The following PLCXD2 variants were observed in gnomAD, a reference collection of about 807,000 sequenced individuals.
PLCXD2 encodes the protein phosphatidylinositol specific phospholipase C X domain containing 2.
A neutral mutation model predicts 28.6 loss-of-function variants in PLCXD2; 21 were observed. That is an observed-to-expected ratio of 0.73 (90% confidence interval 0.52 to 1.06). The LOEUF is 1.06. PLCXD2 is among the 50% of genes least tolerant of loss of function. The probability of loss-of-function intolerance (pLI) is 0.00; values close to 1 mark genes in which losing one functional copy is unlikely to be tolerated. For missense variants in PLCXD2, 369 were observed against 376.7 expected (o/e 0.98, Z 0.17); for synonymous variants, 140 against 150.1 (o/e 0.93, Z 0.49).
intron 1 of PLCXD2, among the ~76,000 whole-genome samples, chr3:111,690,346 C>A (rs542786110): frequency 1.3e-4 from 20 of 152,280 alleles, no homozygotes; most frequent in Admixed American, 1.2e-3. Context: ...GGACTACATG[C>A]TGACCTGTTC....
intron 1 of PLCXD2, among the ~76,000 whole-genome samples, chr3:111,683,053 C>T (rs533665871): frequency 4.6e-5 from 7 of 152,290 alleles, no homozygotes; most frequent in African/African-American, 1.7e-4. Context: ...CCCTGCTCTT[C>T]CTGAAAATAT....
intron 2 of PLCXD2, among the ~76,000 whole-genome samples, chr3:111,710,571 G>T (rs141436997): frequency 6.6e-6 from 1 of 152,164 alleles, no homozygotes; most frequent in African/African-American, 2.4e-5. Context: ...GGATTCAGTC[G>T]CAGGCTTTCT....
intron 1 of PLCXD2, among the ~76,000 whole-genome samples, chr3:111,703,002 A>G (rs78207476): frequency 6.6e-5 from 10 of 152,348 alleles, no homozygotes; most frequent in South Asian, 6.2e-4. Flanking sequence ...AAATAATTTA[A>G]TGCACTTAGG....
Position 111,692,104 on chromosome 3 carries a change from C to T in PLCXD2, c.164-15822C>T, listed in dbSNP as rs113326093. On this transcript the variant is annotated intron_variant, in intron 1 of 4. Coordinates refer to ENST00000477665, the MANE Select transcript of PLCXD2 (RefSeq NM_001185106.1). ...TCGCCCATGCTGGAGTGCAGTGGCG[C>T]GATCTCGGCTCACTGCAAGCTCCGC... Among the ~76,000 whole-genome samples the T allele has an allele frequency of 5.6e-3, 853 of 152,276 alleles. 16 individuals carry two copies. Among genetic ancestry groups the T allele is most frequent in the African/African-American group, 0.019 (804 of 41,544 alleles).
intron 2 of PLCXD2, among the ~76,000 whole-genome samples, chr3:111,710,831 C>T (rs1941190375): frequency 1.3e-5 from 2 of 152,176 alleles, no homozygotes; most frequent in Non-Finnish European, 2.9e-5. Flanking sequence ...GATGGGTTGA[C>T]ATATTGCATA....
chr3:111,704,520 T>A (rs990857814), intron 1 of PLCXD2, among the ~76,000 whole-genome samples: 1 of 152,210 alleles, frequency 6.6e-6, no homozygotes, highest in African/African-American at 2.4e-5. Context: ...ATAATCTCTG[T>A]CTAGGGGGAT....
chr3:111,676,316 CA>C (rs539817001), intron 1 of PLCXD2, among the ~76,000 whole-genome samples: 2 of 152,312 alleles, frequency 1.3e-5, no homozygotes, highest in South Asian at 4.1e-4. Context: ...AATTGAAGTT[CA>C]CCCACAGACT....
At chr3:111,699,930 C>G (rs552892848) in intron 1 of PLCXD2, among the ~76,000 whole-genome samples, 10 of 152,150 alleles carry the variant, frequency 6.6e-5, no homozygotes, top group Non-Finnish European at 1.5e-4. Flanking sequence ...AGGCACTTCA[C>G]CAGATTATTA....
intron 3 of PLCXD2, among the ~76,000 whole-genome samples, chr3:111,718,651 A>G (rs541789898): frequency 6.6e-6 from 1 of 152,282 alleles, no homozygotes; most frequent in East Asian, 1.9e-4. Flanking sequence ...GGAGAAGGAC[A>G]AAATGCTACC....
intron 1 of PLCXD2, among the ~76,000 whole-genome samples, chr3:111,684,979 T>C (rs1195283080): frequency 6.6e-6 from 1 of 152,076 alleles, no homozygotes. Context: ...GTTAGTGGCA[T>C]TCTCAGGAAT....
intron 3 of PLCXD2, 118 bp from the exon 4 acceptor site, chr3:111,720,605 G>T: frequency 2.4e-6 from 1 of 408,980 alleles, no homozygotes. Flanking sequence ...CTGAAAGCTT[G>T]TGCTCTTATT....
At chr3:111,683,753 A>G (rs568943489) in intron 1 of PLCXD2, among the ~76,000 whole-genome samples, 350 of 152,292 alleles carry the variant, frequency 2.3e-3, no homozygotes, top group African/African-American at 8.3e-3. Context: ...GGAGAGGTAT[A>G]CATTACTGCT....
At chr3:111,700,634 A>G (rs888709330) in intron 1 of PLCXD2, among the ~76,000 whole-genome samples, 4 of 152,208 alleles carry the variant, frequency 2.6e-5, no homozygotes, top group African/African-American at 9.6e-5. Context: ...GTTGTTAGTA[A>G]AAAGGTGTGT....
intron 1 of PLCXD2, among the ~76,000 whole-genome samples, chr3:111,706,228 T>C (rs1308930294): frequency 6.6e-6 from 1 of 152,228 alleles, no homozygotes; most frequent in African/African-American, 2.4e-5. Flanking sequence ...ATTTAGTTTT[T>C]TTGCTATTGA....
At chr3:111,684,881 C>A (rs1351214208) in intron 1 of PLCXD2, among the ~76,000 whole-genome samples, 1 of 151,832 alleles carries the variant, frequency 6.6e-6, no homozygotes, top group Non-Finnish European at 1.5e-5. Flanking sequence ...ACAGCATGGA[C>A]AAAGAAAAAG....
At chr3:111,696,721 A>G (rs1345493519) in intron 1 of PLCXD2, among the ~76,000 whole-genome samples, 2 of 152,322 alleles carry the variant, frequency 1.3e-5, no homozygotes, top group South Asian at 2.1e-4. Context: ...TATCCAATAT[A>G]TGTTTTTAGC....
intron 1 of PLCXD2, among the ~76,000 whole-genome samples, chr3:111,701,534 C>T (rs780572770): frequency 6.6e-6 from 1 of 152,106 alleles, no homozygotes; most frequent in Non-Finnish European, 1.5e-5. Flanking sequence ...TCTAAACCCC[C>T]AGTGTTGAGT....
intron 1 of PLCXD2, among the ~76,000 whole-genome samples, chr3:111,706,415 T>C (rs1392978733): frequency 6.6e-6 from 1 of 152,214 alleles, no homozygotes; most frequent in Non-Finnish European, 1.5e-5. Context: ...TGCCTATGTG[T>C]TTGAAGTCTT....
chr3:111,725,898 T>A, intron 3 of PLCXD2: 1 of 398,596 alleles, frequency 2.5e-6, no homozygotes, highest in Non-Finnish European at 4.4e-6. Flanking sequence ...TTCTCCATCA[T>A]CTGCTGATTA....
Sources: allele counts gnomAD v4.1 joint callset (sites outside exome capture counted in the v4.1 genomes callset), GRCh38; gene constraint gnomAD v4.1.1; transcripts MANE v1.5; gene names NCBI Gene and HGNC (gene_info 2026-07-23, HGNC 2026-07-21).